The following KCNQ5 variants were observed in gnomAD, a reference collection of about 807,000 sequenced individuals.
KCNQ5 encodes the protein potassium voltage-gated channel subfamily KQT member 5.
Under a neutral mutation model 98.2 loss-of-function variants are expected in KCNQ5, and 30 were observed. The observed-to-expected ratio is 0.31, with a 90% CI of 0.23 to 0.41. KCNQ5 has a LOEUF of 0.41. Among genes scored for constraint, KCNQ5 ranks in the 10% least tolerant of loss-of-function variants. The pLI is 1.00. For missense variants in KCNQ5, 835 were observed against 1,182.5 expected, an observed-to-expected ratio of 0.71 and a Z score of 4.31; for synonymous variants, 458 against 449.4, an observed-to-expected ratio of 1.02 and a Z score of -0.24.
At chr6:72,764,071 A>G (rs12193344) in intron 1 of KCNQ5, among the ~76,000 whole-genome samples, 36,333 of 151,802 alleles carry the variant, frequency 0.24, 6,692 homozygotes, top group African/African-American at 0.52. Flanking sequence ...TACCAAGAAT[A>G]AGGAAAGAAA....
intron 1 of KCNQ5, among the ~76,000 whole-genome samples, chr6:72,899,799 C>A (rs1008096633): frequency 5.3e-5 from 8 of 151,902 alleles, no homozygotes; most frequent in Admixed American, 2.6e-4. Flanking sequence ...TCCCTCACCC[C>A]CTTCCCACCC....
rs34545961 is a variant in KCNQ5 at position 73,155,736 on chromosome 6, GA to G, written c.1469-14008del. On this transcript the variant is annotated intron_variant, in intron 10 of 13. Coordinates refer to ENST00000370398, the MANE Select transcript of KCNQ5 (RefSeq NM_019842.4). Reference sequence around the variant, plus strand: ...GTCTTAGAGTGTTAAAACCACAGGTGAATTTTTTTTCTTTCTTTGTGATTTA... The same window carrying G: ...GTCTTAGAGTGTTAAAACCACAGGTGATTTTTTTTCTTTCTTTGTGATTTA... Among the ~76,000 whole-genome samples, 157 of 152,178 alleles carry G rather than the reference GA, an allele frequency of 1.0e-3. 2 individuals carry two copies. Among genetic ancestry groups the G allele is most frequent in the African/African-American group, 3.6e-3 (151 of 41,530 alleles).
intron 1 of KCNQ5, among the ~76,000 whole-genome samples, chr6:72,749,722 A>T (rs1270750765): frequency 1.8e-5 from 1 of 55,110 alleles, no homozygotes; most frequent in African/African-American, 4.3e-5. Context: ...CACTGACAAC[A>T]TTTAAAAAAA....
intron 1 of KCNQ5, among the ~76,000 whole-genome samples, chr6:72,742,448 AT>A (rs990990687): frequency 2.8e-4 from 43 of 152,292 alleles, no homozygotes; most frequent in African/African-American, 1.0e-3. Context: ...TTCTACTGCT[AT>A]TTATATCAGC....
intron 1 of KCNQ5, among the ~76,000 whole-genome samples, chr6:72,892,348 G>C (rs1394230398): frequency 1.3e-5 from 2 of 152,178 alleles, no homozygotes; most frequent in Non-Finnish European, 1.5e-5. Flanking sequence ...GGTCAAGTTT[G>C]ATCAGATAAT....
chr6:72,724,245 CA>C (rs1770140065), intron 1 of KCNQ5, among the ~76,000 whole-genome samples: 1 of 151,626 alleles, frequency 6.6e-6, no homozygotes, highest in Non-Finnish European at 1.5e-5. Context: ...TGGTTAAAGG[CA>C]AGGAAGGGAA....
chr6:73,034,932 G>A (rs1041465101), intron 2 of KCNQ5, among the ~76,000 whole-genome samples: 15 of 143,044 alleles, frequency 1.0e-4, no homozygotes, highest in African/African-American at 3.1e-4. Flanking sequence ...TGCAAGCTCC[G>A]CCTCCCGGGT....
chr6:73,019,783 A>G (rs1454128892), intron 2 of KCNQ5, among the ~76,000 whole-genome samples: 2 of 152,192 alleles, frequency 1.3e-5, no homozygotes, highest in Non-Finnish European at 2.9e-5. Context: ...AGCTATTACT[A>G]TAGCACAAAC....
chr6:73,104,551 C>A (rs966463527), intron 5 of KCNQ5, among the ~76,000 whole-genome samples: 3 of 152,142 alleles, frequency 2.0e-5, no homozygotes, highest in African/African-American at 7.2e-5. Flanking sequence ...CAGCTAGCCA[C>A]CTCTTTCTCC....
chr6:72,660,723 T>C (rs1295798932), intron 1 of KCNQ5, among the ~76,000 whole-genome samples: 2 of 152,194 alleles, frequency 1.3e-5, no homozygotes, highest in Admixed American at 6.5e-5. Context: ...TTTAAAATCG[T>C]TGCTCATTCA....
chr6:73,088,353 T>A (rs562450841), intron 5 of KCNQ5, among the ~76,000 whole-genome samples: 1 of 152,292 alleles, frequency 6.6e-6, no homozygotes, highest in East Asian at 1.9e-4. Context: ...GGCTGTGACA[T>A]CAGAGATTAC....
chr6:72,730,629 A>AT (rs1179150788), intron 1 of KCNQ5, among the ~76,000 whole-genome samples: 1 of 152,114 alleles, frequency 6.6e-6, no homozygotes, highest in East Asian at 1.9e-4. Context: ...AATTTCATTT[A>AT]TTTTTTGTGT....
intron 1 of KCNQ5, among the ~76,000 whole-genome samples, chr6:72,734,518 C>T (rs1040463675): frequency 2.6e-5 from 4 of 151,982 alleles, no homozygotes; most frequent in South Asian, 2.1e-4. Flanking sequence ...GACGGGGTTT[C>T]GACTAGTATT....
chr6:73,024,212 G>T (rs1469063155), intron 2 of KCNQ5, among the ~76,000 whole-genome samples: 1 of 151,970 alleles, frequency 6.6e-6, no homozygotes, highest in East Asian at 1.9e-4. Flanking sequence ...TACCTGAGCA[G>T]CAAATATCAA....
intron 7 of KCNQ5, among the ~76,000 whole-genome samples, chr6:73,118,815 G>A (rs1685115129): frequency 6.6e-6 from 1 of 152,270 alleles, no homozygotes; most frequent in East Asian, 1.9e-4. Context: ...GAGGTGAGGA[G>A]TTCAAGATCA....
chr6:73,161,725 G>C (rs1172827163), intron 10 of KCNQ5, among the ~76,000 whole-genome samples: 1 of 152,148 alleles, frequency 6.6e-6, no homozygotes, highest in Non-Finnish European at 1.5e-5. Flanking sequence ...CCTTCAATTT[G>C]ATGGTAAAAT....
chr6:73,020,085 G>A (rs1168700014), intron 2 of KCNQ5, among the ~76,000 whole-genome samples: 4 of 152,068 alleles, frequency 2.6e-5, no homozygotes, highest in Non-Finnish European at 5.9e-5. Flanking sequence ...CAAAGCAAGC[G>A]ATCAGTTTTA....
Position 72,622,728 on chromosome 6 carries a change from T to C in KCNQ5, c.398+141T>C. ...TTTATTTCTTCGCACGTGTTCGTGG[T>C]CTTCCTTCTGGAGCCTCTCCCCTCC... On this transcript the variant is annotated intron_variant, in intron 1 of 13. Coordinates refer to ENST00000370398, the MANE Select transcript of KCNQ5 (RefSeq NM_019842.4). This position sits in a 1 kb window ranked among gnomAD's most constrained non-coding sequence, Gnocchi z 6.0. The C allele has an allele frequency of 1.2e-6, 1 of 851,988 alleles. No homozygotes were observed. The highest frequency in any genetic ancestry group is 1.8e-6 in the Non-Finnish European group (1 of 554,928). The allele number at this position is 851,988 out of a possible 1,614,324, so 52.8% of individuals were successfully genotyped here.
At chr6:72,988,649 CTTTT>C (rs71540364) in intron 1 of KCNQ5, among the ~76,000 whole-genome samples, 1 of 127,870 alleles carries the variant, frequency 7.8e-6, no homozygotes, top group African/African-American at 2.9e-5. Flanking sequence ...GCATGATTTT[CTTTT>C]TTTTTTTTTT....
Sources: allele counts gnomAD v4.1 joint callset (sites outside exome capture counted in the v4.1 genomes callset), GRCh38; gene constraint gnomAD v4.1.1; non-coding constraint Gnocchi (gnomAD v3.1); transcripts MANE v1.5; gene names NCBI Gene and HGNC (gene_info 2026-07-23, HGNC 2026-07-21).